Variants in NME7 observed in about 807,000 individuals in gnomAD.
NME7 encodes NME/NM23 family member 7.
In NME7, 41 loss-of-function variants were observed where a neutral mutation model predicts 49.1. That is an observed-to-expected ratio of 0.83 (90% confidence interval 0.65 to 1.08). The LOEUF (loss-of-function observed/expected upper bound fraction) is 1.08, where lower values mean the gene tolerates loss of function less well. Among genes scored for constraint, NME7 ranks in the 50% least tolerant of loss-of-function variants. NME7 has a pLI of 0.00. For synonymous variants in NME7, 139 were observed against 150.6 expected, an observed-to-expected ratio of 0.92 and a Z score of 0.56; for missense variants, 423 against 463.4, an observed-to-expected ratio of 0.91 and a Z score of 0.80.
chr1:169,232,912 CTTTTTTT>C (rs10545228), intron 9 of NME7, among the ~76,000 whole-genome samples: 5 of 74,524 alleles, frequency 6.7e-5, no homozygotes, highest in South Asian at 5.7e-4. Flanking sequence ...GTTTTCTTTT[CTTTTTTT>C]TTTTTTTTTT....
Position 169,327,541 on chromosome 1 carries a change from A to C in NME7, c.4-3041T>G, listed in dbSNP as rs372504279. On this transcript the variant is annotated intron_variant, in intron 1 of 11. Transcript: ENST00000367811. ...ATACCCAGAAGCCTTAGTATCTTAA[A>C]GTCTTAAGGTCTCTGTCTATACAGA... 5.9e-5 allele frequency among the ~76,000 whole-genome samples: 9 copies of C among 152,200 alleles called. No homozygotes were observed. The East Asian group carries it at 1.2e-3, about 19-fold the overall frequency.
intron 3 of NME7, among the ~76,000 whole-genome samples, chr1:169,315,167 G>A (rs1165334638): frequency 6.6e-6 from 1 of 151,372 alleles, no homozygotes; most frequent in Non-Finnish European, 1.5e-5. Flanking sequence ...TGAAAGATTT[G>A]AACATCACAA....
At chr1:169,329,632 T>C (rs1652185326) in intron 1 of NME7, among the ~76,000 whole-genome samples, 1 of 151,730 alleles carries the variant, frequency 6.6e-6, no homozygotes, top group African/African-American at 2.4e-5. Context: ...ACAGGTTATT[T>C]GAAAATACAC....
At chr1:169,160,448 T>C (rs1659211718) in intron 11 of NME7, among the ~76,000 whole-genome samples, 1 of 152,112 alleles carries the variant, frequency 6.6e-6, no homozygotes, top group East Asian at 1.9e-4. Flanking sequence ...TTGTCTACTA[T>C]CTCTTATTCA....
rs1268203123 is a variant in NME7, at chr1:169,269,554, G to A, written c.754+17749C>T. On this transcript the variant is annotated intron_variant, in intron 7 of 11. Coordinates refer to ENST00000367811, the MANE Select transcript of NME7 (RefSeq NM_013330.5). ...AGCTGAGCACTTAACTGATTCAATC[G>A]GCCCAAATTTAGGAGGTTGCATGCA... Among the ~76,000 whole-genome samples the A allele has an allele frequency of 4.5e-5, 6 of 133,326 alleles. 1 individual carries two copies. The highest frequency in any genetic ancestry group is 2.5e-5 in the African/African-American group (1 of 39,402). The allele number at this position is 133,326 out of a possible 152,430, so 87.5% of individuals were successfully genotyped here.
chr1:169,154,167 C>T (rs1348925000), intron 11 of NME7, among the ~76,000 whole-genome samples: 2 of 151,980 alleles, frequency 1.3e-5, no homozygotes, highest in African/African-American at 4.8e-5. Context: ...GTACATGCCA[C>T]TACACCTGGC....
chr1:169,243,067 G>T (rs967759409), intron 7 of NME7, among the ~76,000 whole-genome samples: 3 of 151,990 alleles, frequency 2.0e-5, no homozygotes, highest in Non-Finnish European at 4.4e-5. Flanking sequence ...TATATGGTAA[G>T]ATAAAGGAAC....
chr1:169,263,114 A>C (rs1649214192), intron 7 of NME7, among the ~76,000 whole-genome samples: 1 of 133,766 alleles, frequency 7.5e-6, no homozygotes, highest in African/African-American at 2.5e-5. Context: ...AGAAGACATC[A>C]ACTTCAAAAA....
At chr1:169,176,194 G>T (rs574227668) in intron 10 of NME7, among the ~76,000 whole-genome samples, 1 of 152,198 alleles carries the variant, frequency 6.6e-6, no homozygotes, top group South Asian at 2.1e-4. Context: ...TGAAAGATGG[G>T]GAAGGAATTG....
At chr1:169,164,524 C>T (rs992087187) in intron 11 of NME7, among the ~76,000 whole-genome samples, 5 of 152,126 alleles carry the variant, frequency 3.3e-5, no homozygotes, top group African/African-American at 4.8e-5. Context: ...AGGAAACCTA[C>T]GCATAGTGAG....
chr1:169,227,180 C>A (rs557606015), intron 10 of NME7, among the ~76,000 whole-genome samples: 2 of 152,164 alleles, frequency 1.3e-5, no homozygotes, highest in African/African-American at 4.8e-5. Flanking sequence ...GATCGTGAAC[C>A]TGCTCACTCC....
At chr1:169,360,836 C>T (rs112735998) in intron 1 of NME7, among the ~76,000 whole-genome samples, 226 of 146,020 alleles carry the variant, frequency 1.5e-3, no homozygotes, top group African/African-American at 5.4e-3. Context: ...GGTCATCATT[C>T]GTTTATTTAT....
chr1:169,349,184 A>G (rs1653061763), intron 1 of NME7, among the ~76,000 whole-genome samples: 2 of 152,174 alleles, frequency 1.3e-5, no homozygotes, highest in Admixed American at 1.3e-4. Context: ...AAGAAAGTAA[A>G]GGAATAAAAG....
At chr1:169,188,727 C>T (rs1444485955) in intron 10 of NME7, among the ~76,000 whole-genome samples, 3 of 152,196 alleles carry the variant, frequency 2.0e-5, no homozygotes, top group Non-Finnish European at 4.4e-5. Flanking sequence ...TCCTTTAAAA[C>T]TCTATTCCTA....
intron 1 of NME7, among the ~76,000 whole-genome samples, chr1:169,342,147 C>A (rs1652730842): frequency 6.6e-6 from 1 of 151,962 alleles, no homozygotes; most frequent in Non-Finnish European, 1.5e-5. Flanking sequence ...AATTGTAATC[C>A]CCACATGTTG....
At position 169,132,825 on chromosome 1, in the gene NME7, G is replaced by A. The variant is rs924941800; in HGVS notation, c.1099-8C>T. The A allele has an allele frequency of 8.7e-6, 14 of 1,612,340 alleles. 1 individual carries two copies. In the South Asian group the frequency reaches 8.8e-5, roughly 10 times the overall value. ...CTTGAAGAAGTATTGAACCTGAAAC[G>A]GAGAAACACATAATTTCTTAGTTCA... On this transcript the variant is annotated splice_region_variant and splice_polypyrimidine_tract_variant and intron_variant, in intron 11 of 11. Transcript: ENST00000367811.
intron 9 of NME7, among the ~76,000 whole-genome samples, chr1:169,231,521 G>T (rs1647617860): frequency 6.6e-6 from 1 of 152,160 alleles, no homozygotes; most frequent in Non-Finnish European, 1.5e-5. Flanking sequence ...GATGAGGGGA[G>T]TATGCAGAAA....
intron 7 of NME7, among the ~76,000 whole-genome samples, chr1:169,279,078 G>A (rs892958377): frequency 1.3e-5 from 2 of 152,180 alleles, no homozygotes; most frequent in Non-Finnish European, 2.9e-5. Flanking sequence ...GCCGTGTGAG[G>A]TGTCAGTCTG....
At chr1:169,260,813 C>T (rs1026185367) in intron 7 of NME7, among the ~76,000 whole-genome samples, 1 of 134,168 alleles carries the variant, frequency 7.5e-6, no homozygotes, top group Admixed American at 7.3e-5. Context: ...TCATGTGTAG[C>T]TATGCTCAGC....
Sources: gnomAD v4.1 joint callset for allele counts (sites outside exome capture counted in the v4.1 genomes callset) on GRCh38, gnomAD v4.1.1 for gene constraint, MANE v1.5 for transcripts, NCBI Gene and HGNC (gene_info 2026-07-23, HGNC 2026-07-21) for gene names.